Variants in SORBS2 observed in about 807,000 individuals in gnomAD.
The protein encoded by SORBS2 is sorbin and SH3 domain containing 2, also known as sorbin and SH3 domain-containing protein 2.
Under a neutral mutation model 97.7 loss-of-function variants are expected in SORBS2, and 46 were observed. The ratio of observed to expected loss-of-function variants is 0.47; its 90% confidence interval spans 0.37 to 0.60. The LOEUF is 0.60. SORBS2 is among the 20% of genes least tolerant of loss of function. The pLI is 0.00. For missense variants in SORBS2, 1,316 were observed against 1,282.3 expected (o/e 1.03, Z -0.40); for synonymous variants, 476 against 473.4 (o/e 1.01, Z -0.07).
chr4:185,901,645 C>A lies in SORBS2; in HGVS notation c.-338+54551G>T, dbSNP rs183650507. ...AGCTTTTAACAATTGGAATTTCTTA[C>A]AATGAATTATAATATCTTTGATTAG... is the stretch of plus-strand genomic sequence containing the variant. On this transcript the variant is annotated intron_variant, in intron 1 of 20. Transcript: ENST00000284776. Among the ~76,000 whole-genome samples, 87 of 152,220 alleles carry A rather than the reference C, an allele frequency of 5.7e-4. 1 individual carries two copies. Among genetic ancestry groups the A allele is most frequent in the Non-Finnish European group, 1.0e-3 (70 of 68,020 alleles).
chr4:185,646,625 A>G, intron 4 of SORBS2, 43 bp downstream of exon 13: 1 of 1,251,282 alleles, frequency 8.0e-7, no homozygotes, highest in South Asian at 1.2e-5. Flanking sequence ...GAGCCCTGGG[A>G]GCCCAGCGAG....
At chr4:185,755,663 G>C (rs13122307) in intron 2 of SORBS2, among the ~76,000 whole-genome samples, 4,353 of 152,290 alleles carry the variant, frequency 0.029, 96 homozygotes, top group Non-Finnish European at 0.039. Context: ...GACTATCAAG[G>C]AGGGCTAGAC....
rs114045814 is a variant in SORBS2 at position 185,621,441 on chromosome 4, A to T, written c.2216-1290T>A. Among the ~76,000 whole-genome samples, 771 of 152,320 alleles carry T rather than the reference A, an allele frequency of 5.1e-3. 3 individuals carry two copies. Among genetic ancestry groups the T allele is most frequent in the African/African-American group, 0.018 (743 of 41,584 alleles). Reference sequence around the variant, plus strand: ...AGTTACGTTTCAAAAATGTACTCCTATCTGCACATAAAATTGAGAGATGGT... The same window carrying T: ...AGTTACGTTTCAAAAATGTACTCCTTTCTGCACATAAAATTGAGAGATGGT... On this transcript the variant is annotated intron_variant, in intron 7 of 14. Coordinates refer to ENST00000418609, the Ensembl canonical transcript of SORBS2.
At chr4:185,806,806 T>G (rs1350080195) in intron 1 of SORBS2, among the ~76,000 whole-genome samples, 1 of 152,190 alleles carries the variant, frequency 6.6e-6, no homozygotes, top group Non-Finnish European at 1.5e-5. Flanking sequence ...CGGCTAATCC[T>G]TGCAGCTATA....
At chr4:185,601,665 G>T (rs895671136) in intron 12 of SORBS2, among the ~76,000 whole-genome samples, 2 of 152,016 alleles carry the variant, frequency 1.3e-5, no homozygotes, top group Non-Finnish European at 2.9e-5. Context: ...CTAATACAGG[G>T]GTTCAATGCA....
At chr4:185,787,513 A>G (rs1449759847) in intron 1 of SORBS2, among the ~76,000 whole-genome samples, 18 of 152,238 alleles carry the variant, frequency 1.2e-4, no homozygotes, top group Admixed American at 1.2e-3. Flanking sequence ...CTATTTCTAT[A>G]TAGCCTCTCT....
At chr4:185,814,288 T>A (rs1257696624) in intron 1 of SORBS2, among the ~76,000 whole-genome samples, 1 of 151,836 alleles carries the variant, frequency 6.6e-6, no homozygotes, top group Non-Finnish European at 1.5e-5. Flanking sequence ...TCCCAGCACT[T>A]TGGGAGGCTG....
chr4:185,674,252 C>A lies in SORBS2; in HGVS notation c.-46+4171G>T, dbSNP rs182301410. On this transcript the variant is annotated intron_variant, in intron 4 of 20. Coordinates refer to the SORBS2 transcript ENST00000284776. ...TTCCACCAACCTGTTCCACCCACAG[C>A]TGTCCAGTCTCAGCTGATGGCGATG... 8.2e-3 allele frequency among the ~76,000 whole-genome samples: 1,242 copies of A among 152,344 alleles called. 9 individuals are homozygous for A. Among genetic ancestry groups the A allele is most frequent in the Non-Finnish European group, 0.014 (940 of 68,032 alleles).
intron 2 of SORBS2, among the ~76,000 whole-genome samples, chr4:185,689,755 A>C (rs781504047): frequency 6.6e-6 from 1 of 152,212 alleles, no homozygotes; most frequent in Non-Finnish European, 1.5e-5. Flanking sequence ...CCAGCTGGAC[A>C]TGAGAGAATA....
chr4:185,750,388 G>A (rs930707141), intron 2 of SORBS2, among the ~76,000 whole-genome samples: 7 of 152,196 alleles, frequency 4.6e-5, no homozygotes, highest in African/African-American at 1.7e-4. Flanking sequence ...CTGAGAGCGG[G>A]TCTGCATTCA....
At chr4:185,624,075 C>T (rs1348017480) in exon 7 of SORBS2, 6 of 1,614,172 alleles carry the variant, frequency 3.7e-6, no homozygotes, top group Non-Finnish European at 4.2e-6. Flanking sequence ...TTCAGGAACC[C>T]CGGGGCGTTG....
At chr4:185,886,424 G>C (rs957519020) in intron 1 of SORBS2, among the ~76,000 whole-genome samples, 1 of 151,608 alleles carries the variant, frequency 6.6e-6, no homozygotes, top group African/African-American at 2.4e-5. Flanking sequence ...GCATGGTGGC[G>C]GTTGCCTTTA....
At chr4:185,857,740 T>A (rs901118773) in intron 1 of SORBS2, among the ~76,000 whole-genome samples, 1 of 152,174 alleles carries the variant, frequency 6.6e-6, no homozygotes, top group Non-Finnish European at 1.5e-5. Context: ...GTGTCTGTCT[T>A]ATACGGTTGA....
At chr4:185,915,589 C>A (rs1314024170) in intron 1 of SORBS2, among the ~76,000 whole-genome samples, 2 of 152,098 alleles carry the variant, frequency 1.3e-5, no homozygotes, top group East Asian at 3.9e-4. Context: ...TCTCTCATTT[C>A]CTTCCCTCTT....
chr4:185,849,857 G>C (rs1397339227), intron 1 of SORBS2, among the ~76,000 whole-genome samples: 1 of 152,202 alleles, frequency 6.6e-6, no homozygotes, highest in African/African-American at 2.4e-5. Flanking sequence ...GTCTAAAAAA[G>C]AAATGAAGAA....
intron 1 of SORBS2, among the ~76,000 whole-genome samples, chr4:185,823,517 G>A (rs1027522): frequency 0.98 from 148,731 of 152,172 alleles, 72,779 homozygotes; most frequent in Middle Eastern, 1. Flanking sequence ...ATATTCTTTA[G>A]TAAATTGACA....
At chr4:185,635,406 A>T (rs1335651258) in intron 4 of SORBS2, 2 of 1,613,454 alleles carry the variant, frequency 1.2e-6, no homozygotes, top group Non-Finnish European at 8.5e-7. Flanking sequence ...GAGGCTTTTT[A>T]GGAGGCTGGG....
intron 1 of SORBS2, among the ~76,000 whole-genome samples, chr4:185,826,682 T>C (rs1393480090): frequency 6.6e-6 from 1 of 152,200 alleles, no homozygotes; most frequent in Admixed American, 6.5e-5. Context: ...AAGAGGCCAA[T>C]GAAATCACAC....
Position 185,731,623 on chromosome 4 carries a change from C to A in SORBS2, c.-198+43604G>T, listed in dbSNP as rs1406001094. Among the ~76,000 whole-genome samples, 4 of 95,572 alleles carry A rather than the reference C, an allele frequency of 4.2e-5. No individual in the cohort carries two copies. The East Asian group carries it at 1.6e-3, about 38-fold the overall frequency. 62.7% of individuals were successfully genotyped at this position (95,572 alleles called of 152,430 possible). A position where few individuals can be genotyped will look rare whatever the true frequency, so the allele number is the denominator to read the frequency against. On this transcript the variant is annotated intron_variant, in intron 2 of 20. Transcript: ENST00000284776. The stretch of plus-strand genomic sequence containing the variant: ...GCCTATCTCTCTCTCTCCCTCCCTG[C>A]CTATCTCTCTCCCTCCCTGCCTATC...
Sources: allele counts gnomAD v4.1 joint callset (sites outside exome capture counted in the v4.1 genomes callset), GRCh38; gene constraint gnomAD v4.1.1; transcripts MANE v1.5; gene names NCBI Gene and HGNC (gene_info 2026-07-23, HGNC 2026-07-21).